N4BP2: variants seen among roughly 807,000 people sequenced by gnomAD.
N4BP2 encodes the protein NEDD4-binding protein 2.
A neutral mutation model predicts 152.8 loss-of-function variants in N4BP2; 91 were observed. That is an observed-to-expected ratio of 0.60 (90% CI 0.50 to 0.71). N4BP2 has a LOEUF of 0.71. Among genes scored for constraint, N4BP2 ranks in the 30% least tolerant of loss-of-function variants. N4BP2 has a pLI of 0.00. For missense variants in N4BP2, 1,923 were observed against 2,059.1 expected (o/e 0.93, Z 1.28); for synonymous variants, 646 against 705.3 (o/e 0.92, Z 1.33).
the N4BP2 span, among the ~76,000 whole-genome samples, chr4:40,189,658 G>T: frequency 9.9e-5 from 15 of 152,248 alleles, no homozygotes; most frequent in Admixed American, 4.6e-4. This position sits in a 1 kb window ranked among gnomAD's most constrained non-coding sequence, Gnocchi z 4.3. Flanking sequence ...GGAGGCTGAG[G>T]GGGGCAGATC....
Position 40,121,330 on chromosome 4 carries a change from TAA to T in N4BP2, c.3222_3223del (p.Ser1075HisfsTer4). 1 of 1,613,974 alleles carries T rather than the reference TAA, an allele frequency of 6.2e-7. No individual in the cohort carries two copies. The highest frequency in any genetic ancestry group is 1.7e-5 in the Admixed American group (1 of 59,944). ...CAATTCCATATAGAGTAATGTATGATAAAAGCACGTTTGTTGAAGAAAGTGAG... is the reference window on the plus strand; with the variant it reads ...CAATTCCATATAGAGTAATGTATGATAAGCACGTTTGTTGAAGAAAGTGAG... ...EAIPYRVMYD[K>X]STFVEESELT... On this transcript the variant is annotated frameshift_variant, in exon 9 of 18. Coordinates refer to ENST00000261435, the MANE Select transcript of N4BP2 (RefSeq NM_018177.6). LOFTEE classifies it high-confidence loss of function.
chr4:40,128,559 G>A (rs1330835923), intron 12 of N4BP2, among the ~76,000 whole-genome samples: 4 of 146,706 alleles, frequency 2.7e-5, no homozygotes, highest in East Asian at 2.0e-4. Flanking sequence ...TTTGAGTCTC[G>A]TTCTGTCACC....
the N4BP2 span, among the ~76,000 whole-genome samples, chr4:40,187,705 T>C: frequency 0.13 from 20,186 of 152,208 alleles, 1,603 homozygotes; most frequent in Non-Finnish European, 0.18. Context: ...TGAGTGACTT[T>C]CAGAAGACAA....
At chr4:40,135,160 T>C (rs1432392141) in intron 13 of N4BP2, among the ~76,000 whole-genome samples, 1 of 143,218 alleles carries the variant, frequency 7.0e-6, no homozygotes, top group Non-Finnish European at 1.5e-5. Context: ...CATGTGTTCT[T>C]ATTGTTCAAT....
In N4BP2 at chr4:40,154,373, T is replaced by A; in HGVS notation, c.*136T>A. 1.8e-6 allele frequency: 1 copy of A among 543,524 alleles called. No individual in the cohort carries two copies. The highest frequency in any genetic ancestry group is 3.1e-6 in the Non-Finnish European group (1 of 326,148). The allele number at this position is 543,524 out of a possible 1,614,324, so 33.7% of individuals were successfully genotyped here. A position where few individuals can be genotyped will look rare whatever the true frequency, so the allele number is the denominator to read the frequency against. On this transcript the variant is annotated 3_prime_UTR_variant, in exon 18 of 18. Coordinates refer to ENST00000261435, the MANE Select transcript of N4BP2 (RefSeq NM_018177.6). ...CAATTATGAAACAAAAAAATTATGA[T>A]GTTTTTCAAAATGCAAGTGAGGTTT...
chr4:40,076,266 A>C (rs1712719598), intron 2 of N4BP2, among the ~76,000 whole-genome samples: 1 of 152,152 alleles, frequency 6.6e-6, no homozygotes, highest in Non-Finnish European at 1.5e-5. Flanking sequence ...ACTTGAGGTC[A>C]AGAGTTCGAG....
At chr4:40,117,771 A>T (rs1243690830) in intron 7 of N4BP2, 98 bp from the exon 8 acceptor site, 7 of 989,834 alleles carry the variant, frequency 7.1e-6, no homozygotes, top group Non-Finnish European at 7.2e-6. Context: ...ATTCGTATCT[A>T]TTAGAAATAT....
At chr4:40,084,876 A>C (rs1329495298) in intron 2 of N4BP2, among the ~76,000 whole-genome samples, 4 of 149,876 alleles carry the variant, frequency 2.7e-5, no homozygotes, top group Non-Finnish European at 3.0e-5. Flanking sequence ...TGGCCTCCCA[A>C]AGTGCTGGGG....
the N4BP2 span, among the ~76,000 whole-genome samples, chr4:40,180,128 A>G: frequency 6.6e-6 from 1 of 152,164 alleles, no homozygotes; most frequent in Non-Finnish European, 1.5e-5. Flanking sequence ...AAAAGACACC[A>G]TAAATAAAAT....
intron 17 of N4BP2, 99 bp downstream of exon 17, chr4:40,153,002 A>G (rs1721282091): frequency 1.7e-6 from 2 of 1,195,374 alleles, no homozygotes; most frequent in Non-Finnish European, 2.4e-6. Context: ...TAATAGCAAT[A>G]GCCCTAATAT....
chr4:40,148,557 GTGTC>G (rs1720842625), intron 16 of N4BP2, among the ~76,000 whole-genome samples: 1 of 152,128 alleles, frequency 6.6e-6, no homozygotes, highest in African/African-American at 2.4e-5. Context: ...TTGTCTTTCT[GTGTC>G]TGGCTTATTT....
At chr4:40,118,951 C>T (rs1339226450) in intron 8 of N4BP2, among the ~76,000 whole-genome samples, 1 of 152,102 alleles carries the variant, frequency 6.6e-6, no homozygotes, top group Non-Finnish European at 1.5e-5. Context: ...GGATAGAGAG[C>T]TTCTGTTAAA....
At chr4:40,182,887 G>A in the N4BP2 span, among the ~76,000 whole-genome samples, 1 of 152,054 alleles carries the variant, frequency 6.6e-6, no homozygotes, top group Non-Finnish European at 1.5e-5. Context: ...ATGTTGGCCA[G>A]GCTGGTCTTG....
At chr4:40,123,254 T>G (rs1349764254) in intron 10 of N4BP2, 42 bp downstream of exon 10, 1 of 1,338,612 alleles carries the variant, frequency 7.5e-7, no homozygotes, top group Non-Finnish European at 1.1e-6. Flanking sequence ...TTTTTGTCCA[T>G]TTTGAACCTT....
intron 16 of N4BP2, among the ~76,000 whole-genome samples, chr4:40,148,573 A>T (rs1400396802): frequency 3.3e-5 from 5 of 152,032 alleles, no homozygotes; most frequent in Non-Finnish European, 7.4e-5. Context: ...GGCTTATTTC[A>T]CTTAGTATAA....
At chr4:40,184,742 G>T in the N4BP2 span, among the ~76,000 whole-genome samples, 1 of 152,070 alleles carries the variant, frequency 6.6e-6, no homozygotes, top group Admixed American at 6.6e-5. Context: ...GATCATCAAA[G>T]ATCAGGAGTT....
rs1715742915 is a variant in N4BP2 at position 40,102,294 on chromosome 4, T to C, written c.449T>C (p.Phe150Ser). Residue 150 changes from phenylalanine to serine, a missense_variant, in exon 4 of 18, where the codon TTT becomes TCT. Coordinates refer to ENST00000261435, the MANE Select transcript of N4BP2 (RefSeq NM_018177.6). ...EDLDSLIQNA[F>S]EKLNSSPDDQ... The stretch of plus-strand genomic sequence containing the variant: ...CTGGATTCCTTAATACAGAATGCTT[T>C]TGAGAAATTGAACTCTTCTCCTGAT... The C allele has an allele frequency of 1.9e-6, 3 of 1,612,950 alleles. No homozygotes were observed. The highest frequency in any genetic ancestry group is 1.1e-5 in the South Asian group (1 of 90,946).
chr4:40,178,320 T>C, the N4BP2 span, among the ~76,000 whole-genome samples: 1 of 151,980 alleles, frequency 6.6e-6, no homozygotes, highest in Non-Finnish European at 1.5e-5. Flanking sequence ...TGGAAAATAA[T>C]GATAAAGCAA....
intron 2 of N4BP2, among the ~76,000 whole-genome samples, chr4:40,088,649 C>T (rs931806229): frequency 2.0e-5 from 3 of 151,872 alleles, no homozygotes; most frequent in African/African-American, 7.3e-5. Flanking sequence ...TACAGGCATG[C>T]ACCACTACGC....
Sources: gnomAD v4.1 joint callset for allele counts (sites outside exome capture counted in the v4.1 genomes callset) on GRCh38, gnomAD v4.1.1 for gene constraint, Gnocchi (gnomAD v3.1) non-coding constraint, MANE v1.5 for transcripts, NCBI Gene and HGNC (gene_info 2026-07-23, HGNC 2026-07-21) for gene names.